NEGR1: variants seen among roughly 807,000 people sequenced by gnomAD.
NEGR1 encodes the protein neuronal growth regulator 1.
NEGR1 carries 10 observed loss-of-function variants against 40.9 expected under a neutral mutation model. The observed-to-expected ratio is 0.24, with a 90% CI of 0.15 to 0.42. The LOEUF (loss-of-function observed/expected upper bound fraction) is 0.42. Ranked by LOEUF, NEGR1 falls within the 10% of genes least tolerant of loss-of-function variation. NEGR1 has a pLI of 1.00. For synonymous variants in NEGR1, 185 were observed against 166.8 expected (o/e 1.11, Z -0.84); for missense variants, 352 against 438.9 (o/e 0.80, Z 1.77).
intron 1 of NEGR1, among the ~76,000 whole-genome samples, chr1:71,970,662 T>C (rs1301776345): frequency 6.6e-6 from 1 of 152,064 alleles, no homozygotes; most frequent in Non-Finnish European, 1.5e-5. Flanking sequence ...CAATCCACCC[T>C]GGGCAACAGA....
rs140521177 is a variant in NEGR1 at position 71,904,452 on chromosome 1, G to C, written c.409+30627C>G. Among the ~76,000 whole-genome samples, 46 of 152,124 alleles carry C rather than the reference G, an allele frequency of 3.0e-4. No homozygotes were observed. The East Asian group carries it at 8.1e-3, about 27-fold the overall frequency. On this transcript the variant is annotated intron_variant, in intron 2 of 6. Coordinates refer to ENST00000357731, the MANE Select transcript of NEGR1 (RefSeq NM_173808.3). ...GAAAGATAATATAATTTCCATAGTA[G>C]AGACAGAATGTCTGATAAAGTAATA...
At chr1:71,544,461 A>T (rs1196350194) in intron 6 of NEGR1, among the ~76,000 whole-genome samples, 2 of 151,694 alleles carry the variant, frequency 1.3e-5, no homozygotes, top group Non-Finnish European at 3.0e-5. Flanking sequence ...AGTAAATTAA[A>T]TACTTTCTCT....
chr1:71,978,337 C>A (rs1040142480), intron 1 of NEGR1, among the ~76,000 whole-genome samples: 1 of 152,076 alleles, frequency 6.6e-6, no homozygotes, highest in South Asian at 2.1e-4. Flanking sequence ...TTTAAGAAGT[C>A]TTTTCTTTAT....
At chr1:71,651,283 G>A (rs1208774040) in intron 4 of NEGR1, among the ~76,000 whole-genome samples, 6 of 152,080 alleles carry the variant, frequency 3.9e-5, no homozygotes, top group Non-Finnish European at 7.4e-5. Flanking sequence ...CACTTGCATT[G>A]ATGGGGGGAA....
In NEGR1 at chr1:71,614,354, A is replaced by G. The variant is rs553557580; in HGVS notation, c.668-3208T>C. Among the ~76,000 whole-genome samples the G allele has an allele frequency of 1.2e-4, 18 of 152,172 alleles. No individual in the cohort carries two copies. The Middle Eastern group carries it at 0.01, about 86-fold the overall frequency. ...TTTATCTATATATGGGTGTATACAT[A>G]TACGTATATTCACAAACACAAGAAA... is the stretch of plus-strand genomic sequence containing the variant. On this transcript the variant is annotated intron_variant, in intron 4 of 6. Coordinates refer to ENST00000357731, the MANE Select transcript of NEGR1 (RefSeq NM_173808.3).
In NEGR1 at chr1:72,225,660, T is replaced by C. The variant is rs535852090; in HGVS notation, c.176+56659A>G. On this transcript the variant is annotated intron_variant, in intron 1 of 6. Transcript: ENST00000357731. Reference sequence around the variant, plus strand: ...TATATTAGGCATATATTCAACATCATTAATGGGCATTTAGTACATTTTTAA... The same window carrying C: ...TATATTAGGCATATATTCAACATCACTAATGGGCATTTAGTACATTTTTAA... Among the ~76,000 whole-genome samples the C allele has an allele frequency of 1.1e-4, 17 of 151,656 alleles. No individual in the cohort carries two copies. In the South Asian group the frequency reaches 3.5e-3, roughly 32 times the overall value.
intron 1 of NEGR1, among the ~76,000 whole-genome samples, chr1:72,267,273 G>GCA (rs2100553216): frequency 6.6e-6 from 1 of 151,140 alleles, no homozygotes. Context: ...CAATGCATAT[G>GCA]TAATTTTAAG....
At chr1:72,139,399 C>CTGTAAA (rs1650588669) in intron 1 of NEGR1, among the ~76,000 whole-genome samples, 1 of 151,706 alleles carries the variant, frequency 6.6e-6, no homozygotes, top group African/African-American at 2.4e-5. Flanking sequence ...AACTTTTAAT[C>CTGTAAA]ATACTGATCA....
chr1:72,156,624 T>C (rs1651365839), intron 1 of NEGR1, among the ~76,000 whole-genome samples: 1 of 152,134 alleles, frequency 6.6e-6, no homozygotes, highest in African/African-American at 2.4e-5. Context: ...GTTGCTACCA[T>C]AGTCTTTTTT....
chr1:71,962,698 A>T (rs962267145), intron 1 of NEGR1, among the ~76,000 whole-genome samples: 3 of 152,010 alleles, frequency 2.0e-5, no homozygotes, highest in African/African-American at 7.2e-5. Flanking sequence ...AAAATGTCTC[A>T]CGTTAACTTC....
intron 6 of NEGR1, among the ~76,000 whole-genome samples, chr1:71,454,568 T>A (rs1569892497): frequency 6.9e-6 from 1 of 145,812 alleles, no homozygotes; most frequent in Non-Finnish European, 1.5e-5. Context: ...TTTAAAAAAA[T>A]TTACCTTCCA....
chr1:72,124,911 A>G (rs1649951389), intron 1 of NEGR1, among the ~76,000 whole-genome samples: 1 of 152,090 alleles, frequency 6.6e-6, no homozygotes, highest in Admixed American at 6.6e-5. Flanking sequence ...TTGATAACAT[A>G]CACATTGAAT....
At chr1:71,853,588 G>A (rs1659675804) in intron 2 of NEGR1, among the ~76,000 whole-genome samples, 1 of 151,978 alleles carries the variant, frequency 6.6e-6, no homozygotes, top group Non-Finnish European at 1.5e-5. Context: ...TAAAAAAAAG[G>A]CAGAAATTAG....
chr1:72,114,590 C>A (rs1304909189), intron 1 of NEGR1, among the ~76,000 whole-genome samples: 1 of 151,796 alleles, frequency 6.6e-6, no homozygotes, highest in African/African-American at 2.4e-5. Context: ...CTGAAGAAAT[C>A]TGACCCATAC....
intron 2 of NEGR1, among the ~76,000 whole-genome samples, chr1:71,787,468 G>A (rs1254065951): frequency 6.6e-6 from 1 of 152,140 alleles, no homozygotes; most frequent in African/African-American, 2.4e-5. Flanking sequence ...CAGGTAGAGA[G>A]CACCTGTCTA....
At chr1:72,248,540 G>A (rs1167167066) in intron 1 of NEGR1, among the ~76,000 whole-genome samples, 3 of 150,318 alleles carry the variant, frequency 2.0e-5, no homozygotes, top group Admixed American at 2.0e-4. Flanking sequence ...TTACAGGCGT[G>A]AGCCACCACG....
At chr1:71,602,158 C>G (rs1363264392) in intron 5 of NEGR1, among the ~76,000 whole-genome samples, 2 of 151,594 alleles carry the variant, frequency 1.3e-5, no homozygotes, top group African/African-American at 4.8e-5. Flanking sequence ...ATTTCATATC[C>G]TGCACACCAA....
intron 1 of NEGR1, among the ~76,000 whole-genome samples, chr1:72,264,585 T>A (rs1157695497): frequency 6.6e-6 from 1 of 150,834 alleles, no homozygotes; most frequent in Non-Finnish European, 1.5e-5. Context: ...GTTGATATCT[T>A]ATGCTACAAT....
At chr1:72,170,725 G>C (rs542282770) in intron 1 of NEGR1, among the ~76,000 whole-genome samples, 3 of 152,132 alleles carry the variant, frequency 2.0e-5, no homozygotes, top group Non-Finnish European at 2.9e-5. Flanking sequence ...AGATATCAGA[G>C]GCTAACATTT....
Sources: allele counts gnomAD v4.1 joint callset (sites outside exome capture counted in the v4.1 genomes callset), GRCh38; gene constraint gnomAD v4.1.1; transcripts MANE v1.5; gene names NCBI Gene and HGNC (gene_info 2026-07-23, HGNC 2026-07-21).